The following ZMYM2 variants were observed in gnomAD, a reference collection of about 807,000 sequenced individuals.
ZMYM2 encodes the protein zinc finger MYM-type protein 2.
Under a neutral mutation model 162.8 loss-of-function variants are expected in ZMYM2, and 56 were observed. The observed-to-expected ratio is 0.34, with a 90% CI of 0.28 to 0.43. ZMYM2 has a LOEUF of 0.43. Among genes scored for constraint, ZMYM2 ranks in the 20% least tolerant of loss-of-function variants. The pLI is 1.00. For missense variants in ZMYM2, 1,275 were observed against 1,621.8 expected (o/e 0.79, Z 3.67); for synonymous variants, 510 against 541.6 (o/e 0.94, Z 0.81).
intron 15 of ZMYM2, chr13:20,058,946 A>C: frequency 3.4e-6 from 2 of 596,346 alleles, no homozygotes; most frequent in Non-Finnish European, 6.0e-6. Flanking sequence ...AAAAAATACT[A>C]TCTCGAAAAT....
At chr13:20,059,311 A>G in intron 15 of ZMYM2, 136 bp from the exon 16 acceptor site, 1 of 820,874 alleles carries the variant, frequency 1.2e-6, no homozygotes. Context: ...AAGTTACCTA[A>G]CTTAAAAAAA....
chr13:19,878,087 C>G, the ZMYM2 span, among the ~76,000 whole-genome samples: 5 of 147,082 alleles, frequency 3.4e-5, no homozygotes, highest in Non-Finnish European at 7.4e-5. Flanking sequence ...GAGTCTTGCT[C>G]TGTTGCCCAG....
chr13:19,968,956 ATAAT>A (rs1956054160), intron 2 of ZMYM2, among the ~76,000 whole-genome samples: 1 of 152,246 alleles, frequency 6.6e-6, no homozygotes, highest in Non-Finnish European at 1.5e-5. Flanking sequence ...ACAGAAATGA[ATAAT>A]TATATGCATA....
intron 2 of ZMYM2, among the ~76,000 whole-genome samples, chr13:19,981,818 C>T (rs896325058): frequency 6.9e-6 from 1 of 144,088 alleles, no homozygotes; most frequent in Non-Finnish European, 1.5e-5. Context: ...CATATCTTTA[C>T]TCAGCTGTCA....
intron 14 of ZMYM2, among the ~76,000 whole-genome samples, chr13:20,054,481 G>A (rs1955627354): frequency 6.6e-6 from 1 of 152,188 alleles, no homozygotes. Context: ...CCTACCTTTT[G>A]TGGTGGTAGG....
chr13:19,916,220 T>A, the ZMYM2 span, among the ~76,000 whole-genome samples: 1 of 151,926 alleles, frequency 6.6e-6, no homozygotes, highest in Non-Finnish European at 1.5e-5. Flanking sequence ...AAACAGATGC[T>A]GGAGAGGATG....
rs934016944 is a variant in ZMYM2 at position 20,012,207 on chromosome 13, G to A, written c.1512+5621G>A. On this transcript the variant is annotated intron_variant, in intron 6 of 24. Coordinates refer to ENST00000610343, the MANE Select transcript of ZMYM2 (RefSeq NM_197968.4). ...GTCTTTTTTTTTTGAGATGGGTCTCGGTCTGTAGCCCAGGCTGGAGTGCGG... is the reference window on the plus strand; with the variant it reads ...GTCTTTTTTTTTTGAGATGGGTCTCAGTCTGTAGCCCAGGCTGGAGTGCGG... Among the ~76,000 whole-genome samples, 7 of 151,870 alleles carry A rather than the reference G, an allele frequency of 4.6e-5. No individual in the cohort carries two copies. In the East Asian group the frequency reaches 9.7e-4, roughly 21 times the overall value.
the ZMYM2 span, among the ~76,000 whole-genome samples, chr13:19,886,279 C>G: frequency 6.6e-6 from 1 of 150,658 alleles, no homozygotes; most frequent in East Asian, 2.0e-4. Flanking sequence ...ATTCTCCTGC[C>G]TCAGCCTCCC....
At chr13:19,885,943 A>ATACACACATATATGTG in the ZMYM2 span, among the ~76,000 whole-genome samples, 16 of 24,416 alleles carry the variant, frequency 6.6e-4, 4 homozygotes, top group Non-Finnish European at 8.7e-4. Flanking sequence ...ACACATATAT[A>ATACACACATATATGTG]TGTATATACA....
At chr13:19,976,389 AC>A (rs1282080278) in intron 2 of ZMYM2, among the ~76,000 whole-genome samples, 1 of 151,856 alleles carries the variant, frequency 6.6e-6, no homozygotes, top group East Asian at 1.9e-4. Flanking sequence ...GTGAAATGGT[AC>A]TTTTTTTTTC....
chr13:20,037,093 C>CT (rs550546383), intron 12 of ZMYM2, among the ~76,000 whole-genome samples, 184 bp downstream of exon 12: 23 of 151,484 alleles, frequency 1.5e-4, no homozygotes, highest in East Asian at 1.2e-3. Flanking sequence ...ATTTTTATCT[C>CT]TTTTTTTAAT....
At chr13:20,029,416 T>C (rs1952873283) in intron 9 of ZMYM2, among the ~76,000 whole-genome samples, 1 of 152,242 alleles carries the variant, frequency 6.6e-6, no homozygotes, top group Non-Finnish European at 1.5e-5. Context: ...AACACCAACA[T>C]TCAGACTGTA....
chr13:20,073,288 T>TGC (rs1256732660), intron 21 of ZMYM2, among the ~76,000 whole-genome samples: 1 of 152,200 alleles, frequency 6.6e-6, no homozygotes, highest in African/African-American at 2.4e-5. Flanking sequence ...ATTTAGGCCT[T>TGC]GCAGACCAAG....
intron 21 of ZMYM2, among the ~76,000 whole-genome samples, chr13:20,074,105 A>C (rs2140960845): frequency 6.6e-6 from 1 of 152,142 alleles, no homozygotes; most frequent in African/African-American, 2.4e-5. Flanking sequence ...TATAAGTGGA[A>C]TCATGCAGTA....
chr13:20,069,073 A>G (rs1015679369), intron 21 of ZMYM2, among the ~76,000 whole-genome samples: 2 of 152,114 alleles, frequency 1.3e-5, no homozygotes, highest in Middle Eastern at 6.8e-3. Context: ...TCTTTTAGCT[A>G]TTTCCCCTGG....
chr13:19,921,094 G>A, the ZMYM2 span, among the ~76,000 whole-genome samples: 1 of 151,854 alleles, frequency 6.6e-6, no homozygotes, highest in Admixed American at 6.6e-5. Flanking sequence ...TAAAAATACT[G>A]TGAACCATCT....
chr13:20,075,280 G>A (rs1225485197), intron 21 of ZMYM2, among the ~76,000 whole-genome samples: 1 of 152,178 alleles, frequency 6.6e-6, no homozygotes, highest in Non-Finnish European at 1.5e-5. Context: ...GGAAGAAACA[G>A]TATCTTTTTT....
At position 19,960,160 on chromosome 13, in the gene ZMYM2, G is replaced by A. The variant is rs945855156; in HGVS notation, c.-11+134G>A. 55 of 152,300 alleles carry A rather than the reference G, an allele frequency of 3.6e-4. 1 individual carries two copies. Among genetic ancestry groups the A allele is most frequent in the African/African-American group, 1.3e-3 (53 of 41,468 alleles). 9.4% of individuals were successfully genotyped at this position (152,300 alleles called of 1,614,324 possible). A position where few individuals can be genotyped will look rare whatever the true frequency, so the allele number is the denominator to read the frequency against. On this transcript the variant is annotated intron_variant, in intron 2 of 24. Transcript: ENST00000610343. ...CTTGGGTGGCAGCTGCCCCCAGGGC[G>A]AAGCCTGGGTAATGGCTGGTGAGGC...
chr13:20,064,778 ATAG>A (rs923973374), intron 19 of ZMYM2, among the ~76,000 whole-genome samples: 57 of 143,194 alleles, frequency 4.0e-4, no homozygotes, highest in South Asian at 1.3e-3. Flanking sequence ...TCTAGTAATA[ATAG>A]TAGTAATAAT....
Sources: gnomAD v4.1 joint callset for allele counts (sites outside exome capture counted in the v4.1 genomes callset) on GRCh38, gnomAD v4.1.1 for gene constraint, MANE v1.5 for transcripts, NCBI Gene and HGNC (gene_info 2026-07-23, HGNC 2026-07-21) for gene names.